The following MACF1 variants were observed in gnomAD, a reference collection of about 807,000 sequenced individuals.
MACF1 encodes microtubule-actin cross-linking factor 1.
MACF1 carries 193 observed loss-of-function variants against 854.8 expected under a neutral mutation model. The ratio of observed to expected loss-of-function variants is 0.23; its 90% CI spans 0.20 to 0.25. MACF1 has a LOEUF of 0.25. MACF1 is among the 10% of genes least tolerant of loss of function. The probability of loss-of-function intolerance (pLI) is 1.00; values close to 1 mark genes in which losing one functional copy is unlikely to be tolerated. For missense variants in MACF1, 7,722 were observed against 8,929.1 expected (o/e 0.86, Z 5.45); for synonymous variants, 3,185 against 3,226.7 (o/e 0.99, Z 0.44).
intron 2 of MACF1, among the ~76,000 whole-genome samples, chr1:39,231,781 G>GGAGTT (rs1407204671): frequency 3.3e-5 from 5 of 151,770 alleles, no homozygotes; most frequent in Non-Finnish European, 5.9e-5. Flanking sequence ...CTGGGCTAAA[G>GGAGTT]CGATCCTCCT....
Position 39,105,227 on chromosome 1 carries a change from C to A in MACF1, c.220+20789C>A, listed in dbSNP as rs1319056561. Among the ~76,000 whole-genome samples, 1 of 151,172 alleles carries A rather than the reference C, an allele frequency of 6.6e-6. No individual in the cohort carries two copies. The highest frequency in any genetic ancestry group is 2.4e-5 in the African/African-American group (1 of 41,334). On this transcript the variant is annotated intron_variant, in intron 2 of 93. Coordinates refer to the MACF1 transcript ENST00000361689. This position sits in a 1 kb window ranked among gnomAD's most constrained non-coding sequence, Gnocchi z 5.9. ...CCCGTGTGGGCAGCCCGGGCCCAGC[C>A]GGCCGCAGCCTGGGGCCGAGGACTC...
intron 2 of MACF1, among the ~76,000 whole-genome samples, chr1:39,091,989 G>A (rs1035524623): frequency 3.9e-5 from 6 of 152,182 alleles, no homozygotes; most frequent in South Asian, 2.1e-4. Flanking sequence ...TATGAAGACC[G>A]TTAGAATGCA....
intron 2 of MACF1, among the ~76,000 whole-genome samples, chr1:39,138,023 G>A (rs188621895): frequency 9.6e-4 from 134 of 140,266 alleles, no homozygotes; most frequent in Middle Eastern, 4.4e-3. Flanking sequence ...GCAGTTAGCC[G>A]AGATTGTGCC....
intron 44 of MACF1, 42 bp downstream of exon 44, chr1:39,353,273 T>G: frequency 6.8e-7 from 1 of 1,480,552 alleles, no homozygotes; most frequent in Non-Finnish European, 9.2e-7. Context: ...GAGAAATCTC[T>G]CCTGCCCTGA....
intron 58 of MACF1, among the ~76,000 whole-genome samples, chr1:39,415,368 G>C (rs1180375): frequency 0.4 from 60,227 of 150,158 alleles, 14,142 homozygotes; most frequent in African/African-American, 0.66. Context: ...GGCTCTGTCA[G>C]TCAGGCTGGA....
intron 2 of MACF1, among the ~76,000 whole-genome samples, chr1:39,116,416 G>A (rs1642547737): frequency 2.6e-5 from 4 of 152,002 alleles, no homozygotes; most frequent in Admixed American, 2.6e-4. Flanking sequence ...ACGTGTGTGT[G>A]TGTATGTGTG....
chr1:39,422,373 G>T lies in MACF1; in HGVS notation c.15817-1G>T. ...ATCTTCTTTGGCTTGTAATTATCTA[G>T]ATGTTTCAGAAAGAACAAGTGGATC... On this transcript the variant is annotated splice_acceptor_variant, in intron 58 of 100. Transcript: ENST00000564288. LOFTEE classifies it high-confidence loss of function. 6.2e-7 allele frequency: 1 copy of T among 1,613,540 alleles called. No homozygotes were observed. Among genetic ancestry groups the T allele is most frequent in the Non-Finnish European group, 8.5e-7 (1 of 1,179,654 alleles).
intron 2 of MACF1, among the ~76,000 whole-genome samples, chr1:39,171,387 T>A (rs909787428): frequency 3.9e-5 from 6 of 152,158 alleles, no homozygotes; most frequent in Admixed American, 1.3e-4. Context: ...GCAGAACTTT[T>A]TCATGATCCC....
At chr1:39,406,530 G>C (rs1021316334) in intron 58 of MACF1, among the ~76,000 whole-genome samples, 1 of 151,956 alleles carries the variant, frequency 6.6e-6, no homozygotes, top group Non-Finnish European at 1.5e-5. Context: ...CCTGAGGTCA[G>C]GTCACCAGCC....
rs115406930 is a variant in MACF1 at position 39,349,309 on chromosome 1, A to C, written c.10816-169A>C. ...TAGACCCAGATCAATGGACTGTCCA[A>C]ATGAGGGGAGCTTTCCGAATATGAT... On this transcript the variant is annotated intron_variant, in intron 41 of 100. Transcript: ENST00000564288. Among the ~76,000 whole-genome samples, 881 of 152,298 alleles carry C rather than the reference A, an allele frequency of 5.8e-3. 10 individuals are homozygous for C. The highest frequency in any genetic ancestry group is 0.02 in the African/African-American group (850 of 41,558).
At chr1:39,303,169 T>C (rs1189610255) in intron 23 of MACF1, 91 bp downstream of exon 23, 1 of 1,440,084 alleles carries the variant, frequency 6.9e-7, no homozygotes. Context: ...GTGATGTTTT[T>C]GAACACAGTG....
intron 70 of MACF1, 58 bp downstream of exon 70, chr1:39,435,819 C>A: frequency 6.7e-7 from 1 of 1,492,856 alleles, no homozygotes; most frequent in South Asian, 1.2e-5. Flanking sequence ...AACAAGAGGT[C>A]TCTGTATCAG....
chr1:39,285,447 C>A, intron 13 of MACF1, 57 bp downstream of exon 13: 2 of 1,587,412 alleles, frequency 1.3e-6, no homozygotes, highest in South Asian at 1.1e-5. Context: ...GCTTCTCACC[C>A]TCTGCTCTAA....
intron 2 of MACF1, among the ~76,000 whole-genome samples, chr1:39,143,494 G>T (rs1368047727): frequency 6.6e-6 from 1 of 152,160 alleles, no homozygotes; most frequent in Non-Finnish European, 1.5e-5. Flanking sequence ...CCCTTGTGAG[G>T]TAAGGGCTCA....
At chr1:39,261,705 C>G (rs1218433717) in intron 6 of MACF1, among the ~76,000 whole-genome samples, 1 of 151,992 alleles carries the variant, frequency 6.6e-6, no homozygotes, top group Non-Finnish European at 1.5e-5. Context: ...AATATTAAGC[C>G]AGTTGATAGA....
intron 2 of MACF1, among the ~76,000 whole-genome samples, chr1:39,130,641 A>T (rs1053217548): frequency 1.3e-5 from 2 of 152,116 alleles, no homozygotes; most frequent in African/African-American, 2.4e-5. Context: ...TCCTGCTCTT[A>T]TATGTCATAC....
intron 2 of MACF1, among the ~76,000 whole-genome samples, chr1:39,167,939 G>A (rs1044411047): frequency 8.5e-5 from 13 of 152,078 alleles, no homozygotes; most frequent in African/African-American, 2.9e-4. Flanking sequence ...ATGTTAGCTG[G>A]AACTGGAGAT....
intron 47 of MACF1, among the ~76,000 whole-genome samples, chr1:39,359,677 A>G (rs1163112907): frequency 1.3e-5 from 2 of 152,018 alleles, no homozygotes; most frequent in African/African-American, 2.4e-5. Flanking sequence ...TAATAACAAT[A>G]TATCGTATAC....
intron 57 of MACF1, 107 bp from the exon 58 acceptor site, chr1:39,387,080 A>T (rs1025744447): frequency 2.4e-6 from 3 of 1,262,214 alleles, no homozygotes; most frequent in Non-Finnish European, 3.3e-6. Flanking sequence ...TAGGCCCTCA[A>T]GTAACATTAG....
Sources: gnomAD v4.1 joint callset for allele counts (sites outside exome capture counted in the v4.1 genomes callset) on GRCh38, gnomAD v4.1.1 for gene constraint, Gnocchi (gnomAD v3.1) non-coding constraint, MANE v1.5 for transcripts, NCBI Gene and HGNC (gene_info 2026-07-23, HGNC 2026-07-21) for gene names.